Variants in RNF212 observed in about 807,000 individuals in gnomAD.
RNF212 encodes probable E3 SUMO-protein ligase RNF212.
A neutral mutation model predicts 34.7 loss-of-function variants in RNF212; 33 were observed. The ratio of observed to expected loss-of-function variants is 0.95; its 90% confidence interval spans 0.72 to 1.27. RNF212 has a LOEUF of 1.27. Among genes scored for constraint, RNF212 ranks in the 50% most tolerant of loss-of-function variants. The pLI, the probability that RNF212 is intolerant of heterozygous loss-of-function variation, is 0.00. For missense variants in RNF212, 377 were observed against 362.2 expected, an observed-to-expected ratio of 1.04 and a Z score of -0.33; for synonymous variants, 140 against 136.1, an observed-to-expected ratio of 1.03 and a Z score of -0.20.
chr4:1,074,983 G>A (rs551033472), intron 8 of RNF212, among the ~76,000 whole-genome samples: 58 of 152,250 alleles, frequency 3.8e-4, no homozygotes, highest in Middle Eastern at 3.4e-3. Flanking sequence ...CCGTCCCTTC[G>A]AACTACATTC....
intron 3 of RNF212, among the ~76,000 whole-genome samples, chr4:1,059,841 T>C (rs969922749): frequency 6.6e-5 from 10 of 152,326 alleles, no homozygotes; most frequent in Admixed American, 1.3e-4. Flanking sequence ...ATGCCTGTAA[T>C]CCCAGCACTT....
downstream of RNF212, among the ~76,000 whole-genome samples, chr4:1,070,422 G>C (rs1343222428): frequency 6.3e-5 from 9 of 143,656 alleles, no homozygotes; most frequent in Non-Finnish European, 1.4e-4. Context: ...GGACTGTGCT[G>C]TGTCAGCGTG....
Position 1,080,902 on chromosome 4 carries a change from C to A in RNF212, c.464+517G>T, listed in dbSNP as rs191072507. On this transcript the variant is annotated intron_variant, in intron 7 of 9. Coordinates refer to ENST00000433731, the MANE Select transcript of RNF212 (RefSeq NM_001131034.4). ...GCTGGAGGGAACATGAGGTTGGGCT[C>A]CCTGTGCCAGAGTGATGGCCAGGCA... Among the ~76,000 whole-genome samples, 368 of 152,358 alleles carry A rather than the reference C, an allele frequency of 2.4e-3. 1 individual carries two copies. Among genetic ancestry groups the A allele is most frequent in the Non-Finnish European group, 4.1e-3 (277 of 68,032 alleles).
At chr4:1,099,804 G>T in intron 2 of RNF212, 1 of 456,244 alleles carries the variant, frequency 2.2e-6, no homozygotes, top group Middle Eastern at 3.3e-4. Flanking sequence ...CAGAGCAATC[G>T]AGTCCACAAG....
In RNF212 at chr4:1,073,015, T is replaced by TTTA. The variant is rs1415480994; in HGVS notation, c.750_752dup (p.Ser250_Lys251insAsn). 1 of 1,614,024 alleles carries TTTA rather than the reference T, an allele frequency of 6.2e-7. No homozygotes were observed. Among genetic ancestry groups the TTTA allele is most frequent in the East Asian group, 2.2e-5 (1 of 44,884 alleles). On this transcript the variant is annotated inframe_insertion, in exon 10 of 10. Transcript: ENST00000433731. ...GTACCTCAGCATATATTGGAAGTGT[T>TTTA]TTAGAGTTGGTGAGTTCCCCGTGCC...
intron 1 of RNF212, among the ~76,000 whole-genome samples, chr4:1,111,999 A>G (rs1425323203): frequency 6.6e-6 from 1 of 152,214 alleles, no homozygotes; most frequent in Non-Finnish European, 1.5e-5. Flanking sequence ...GTTAGAGGAC[A>G]GGAATTGGAG....
At chr4:1,093,666 A>G in intron 3 of RNF212, 1 of 1,536,082 alleles carries the variant, frequency 6.5e-7, no homozygotes, top group Non-Finnish European at 8.7e-7. Context: ...AGCACTTGGC[A>G]AAACCACCCT....
chr4:1,108,544 C>T, intron 1 of RNF212, 140 bp from the exon 2 acceptor site: 3 of 457,498 alleles, frequency 6.6e-6, no homozygotes, highest in Non-Finnish European at 1.2e-5. Flanking sequence ...CAGGATGAGG[C>T]TGTGGGTACT....
chr4:1,084,938 C>G (rs2153045730), intron 5 of RNF212, among the ~76,000 whole-genome samples: 1 of 152,324 alleles, frequency 6.6e-6, no homozygotes, highest in East Asian at 1.9e-4. Flanking sequence ...GCAAGGCCAC[C>G]AGCCAGTGTG....
Position 1,108,395 on chromosome 4 carries a change from T to C in RNF212, c.119A>G (p.Asn40Ser). Residue 40 changes from asparagine (N) to serine (S), a missense_variant, in exon 2 of 10, where the codon AAT becomes AGT. Asn to Ser is a conservative substitution (Grantham distance 46, BLOSUM62 1). Coordinates refer to ENST00000433731, the MANE Select transcript of RNF212 (RefSeq NM_001131034.4). ...CDACLGKGKK[N>S]ECLICKAPCR... ...AGGAGCTTTACAAATCAAGCATTCA[T>C]TCTTTTTACCTATAAAATAAAAATA... is the stretch of plus-strand genomic sequence containing the variant. The C allele has an allele frequency of 6.7e-7, 1 of 1,497,442 alleles. No homozygotes were observed. Among genetic ancestry groups the C allele is most frequent in the Non-Finnish European group, 8.9e-7 (1 of 1,129,672 alleles). The allele number at this position is 1,497,442 out of a possible 1,614,324, so 92.8% of individuals were successfully genotyped here. A position where few individuals can be genotyped will look rare whatever the true frequency, so the allele number is the denominator to read the frequency against.
At chr4:1,058,626 A>C (rs1717522958) in intron 3 of RNF212, among the ~76,000 whole-genome samples, 1 of 152,198 alleles carries the variant, frequency 6.6e-6, no homozygotes, top group South Asian at 2.1e-4. Flanking sequence ...GAGGGCGTAA[A>C]TATCCTACAT....
chr4:1,079,645 T>C lies in RNF212; in HGVS notation c.508A>G (p.Lys170Glu), dbSNP rs773964644. Residue 170 changes from lysine (K) to glutamate (E), a missense_variant and splice_region_variant, in exon 8 of 10, where the codon AAA becomes GAA. Lys to Glu is a moderately conservative substitution (Grantham distance 56). Transcript: ENST00000433731. The part of the protein sequence containing the change: ...EVDLSPSPIR[K>E]SEIAAGPARI... ...CTCAGCAGGAGAGATGCACTTACTT[T>C]TCTAATCGGAGAAGGAGAGAGATCA... The C allele has an allele frequency of 2.0e-5, 32 of 1,605,318 alleles. No homozygotes were observed. The highest frequency in any genetic ancestry group is 2.5e-5 in the Non-Finnish European group (29 of 1,172,142).
chr4:1,105,476 G>A (rs563171041), intron 2 of RNF212, among the ~76,000 whole-genome samples: 1 of 152,378 alleles, frequency 6.6e-6, no homozygotes, highest in East Asian at 1.9e-4. Flanking sequence ...CTCAGGTGGT[G>A]ACACACACTG....
chr4:1,098,451 C>T (rs1443344575), intron 2 of RNF212, among the ~76,000 whole-genome samples: 1 of 152,212 alleles, frequency 6.6e-6, no homozygotes, highest in Non-Finnish European at 1.5e-5. Context: ...CCCAGGCTCC[C>T]AGAGGCAGAG....
At chr4:1,073,216 G>T (rs768062720) in intron 9 of RNF212, 23 bp from the exon 10 acceptor site, 21 of 1,609,142 alleles carry the variant, frequency 1.3e-5, no homozygotes, top group African/African-American at 4.0e-5. Flanking sequence ...GCAGGAGACA[G>T]CGTGTGGGGA....
Position 1,113,401 on chromosome 4 carries a change from G to A in RNF212, c.64C>T (p.Leu22Phe). The part of the protein sequence containing the change: ...QPPHRTSCFS[L>F]TNCGHVYCDA... ...CAGTACACGTGCCCGCAGTTGGTGA[G>A]GCTGAAGCACGACGTCCTGTGGGGC... is the stretch of plus-strand genomic sequence containing the variant. The change falls in exon 1 of 10, where the codon CTC becomes TTC. Residue 22 changes from leucine to phenylalanine, a missense_variant. Leu to Phe is a conservative substitution (Grantham distance 22). Transcript: ENST00000433731. The A allele has an allele frequency of 6.2e-7, 1 of 1,605,578 alleles. No homozygotes were observed. The highest frequency in any genetic ancestry group is 8.5e-7 in the Non-Finnish European group (1 of 1,177,192).
chr4:1,094,121 G>T, intron 3 of RNF212: 1 of 1,310,916 alleles, frequency 7.6e-7, no homozygotes, highest in Non-Finnish European at 1.0e-6. Flanking sequence ...GAAGGAGAGT[G>T]CCATGCAGGG....
At chr4:1,096,035 A>G (rs1243766866) in intron 3 of RNF212, among the ~76,000 whole-genome samples, 3 of 71,090 alleles carry the variant, frequency 4.2e-5, no homozygotes, top group Non-Finnish European at 7.7e-5. Context: ...CACGGAACCA[A>G]GCACACCCCC....
intron 1 of RNF212, among the ~76,000 whole-genome samples, chr4:1,111,119 C>T (rs1220011481): frequency 6.6e-6 from 1 of 152,216 alleles, no homozygotes. Context: ...GCCCTCCTCA[C>T]TGGTCCAATG....
Sources: gnomAD v4.1 joint callset for allele counts (sites outside exome capture counted in the v4.1 genomes callset) on GRCh38, gnomAD v4.1.1 for gene constraint, MANE v1.5 for transcripts, NCBI Gene and HGNC (gene_info 2026-07-23, HGNC 2026-07-21) for gene names.